The following COP1 variants were observed in gnomAD, a reference collection of about 807,000 sequenced individuals.
The protein encoded by COP1 is COP1 E3 ubiquitin ligase.
COP1 carries 24 observed loss-of-function variants against 101.3 expected under a neutral mutation model. The ratio of observed to expected loss-of-function variants is 0.24; its 90% CI spans 0.17 to 0.33. The LOEUF is 0.33. Ranked by LOEUF, COP1 falls within the 10% of genes least tolerant of loss-of-function variation. The pLI is 1.00. For synonymous variants in COP1, 347 were observed against 341.9 expected (o/e 1.01, Z -0.17); for missense variants, 663 against 906.2 (o/e 0.73, Z 3.45).
At chr1:176,185,144 G>A (rs886478247) in intron 1 of COP1, among the ~76,000 whole-genome samples, 11 of 151,980 alleles carry the variant, frequency 7.2e-5, no homozygotes, top group Non-Finnish European at 1.5e-5. Context: ...TTTCGACAAT[G>A]CTTGTAGGTA....
chr1:175,996,200 C>G (rs868632088), intron 15 of COP1, among the ~76,000 whole-genome samples: 3 of 152,170 alleles, frequency 2.0e-5, no homozygotes, highest in Non-Finnish European at 4.4e-5. Flanking sequence ...TTCAACAACC[C>G]TTTGTGCTAA....
At chr1:176,134,846 C>T (rs78569232) in intron 8 of COP1, among the ~76,000 whole-genome samples, 164 bp downstream of exon 8, 10,586 of 152,018 alleles carry the variant, frequency 0.07, 462 homozygotes, top group Non-Finnish European at 0.087. Context: ...TGAAATCCAA[C>T]GCATTAAGGA....
At chr1:176,161,296 A>G (rs1185809627) in intron 5 of COP1, among the ~76,000 whole-genome samples, 2 of 152,162 alleles carry the variant, frequency 1.3e-5, no homozygotes, top group Admixed American at 6.5e-5. Flanking sequence ...CTCTCATAAA[A>G]AGTCATTTTA....
chr1:176,149,083 G>GAAAATTATATTTTTTAAAAGA lies in COP1; in HGVS notation c.763-10_763-9insTCTTTTAAAAAATATAATTTT. 2 of 1,540,034 alleles carry GAAAATTATATTTTTTAAAAGA rather than the reference G, an allele frequency of 1.3e-6. No homozygotes were observed. The highest frequency in any genetic ancestry group is 1.8e-6 in the Non-Finnish European group (2 of 1,129,312). ...TGGGCTGCATGTGATTCCTACAATA[G>GAAAATTATATTTTTTAAAAGA]AAAATTATAATTTTTCTTTTAAAAA... On this transcript the variant is annotated splice_polypyrimidine_tract_variant and intron_variant, in intron 5 of 19. Coordinates refer to ENST00000367669, the MANE Select transcript of COP1 (RefSeq NM_022457.7).
At chr1:176,028,803 G>A (rs1237184273) in intron 14 of COP1, among the ~76,000 whole-genome samples, 1 of 146,694 alleles carries the variant, frequency 6.8e-6, no homozygotes, top group African/African-American at 2.5e-5. Context: ...ATTCAGGCTG[G>A]AGTGCAGTGG....
At chr1:176,146,894 TA>T (rs1208785711) in intron 6 of COP1, among the ~76,000 whole-genome samples, 1 of 152,182 alleles carries the variant, frequency 6.6e-6, no homozygotes, top group African/African-American at 2.4e-5. Flanking sequence ...AACTGAAAAT[TA>T]AATGGCCCTA....
intron 15 of COP1, among the ~76,000 whole-genome samples, chr1:176,025,662 G>A (rs1571763046): frequency 6.6e-6 from 1 of 152,068 alleles, no homozygotes; most frequent in Non-Finnish European, 1.5e-5. Context: ...AGCTGAGGTA[G>A]GCAGACTGCT....
At chr1:175,962,269 A>G (rs1397912540) in intron 18 of COP1, among the ~76,000 whole-genome samples, 1 of 152,148 alleles carries the variant, frequency 6.6e-6, no homozygotes, top group Non-Finnish European at 1.5e-5. Context: ...TGTGAAAGAG[A>G]GGAATTCCCT....
chr1:176,159,006 T>C (rs535642365), intron 5 of COP1, among the ~76,000 whole-genome samples: 1 of 152,284 alleles, frequency 6.6e-6, no homozygotes, highest in African/African-American at 2.4e-5. Flanking sequence ...GTAGTAATTG[T>C]ATTAAAAACT....
chr1:176,092,514 T>C (rs1300102019), intron 9 of COP1, among the ~76,000 whole-genome samples: 1 of 152,148 alleles, frequency 6.6e-6, no homozygotes, highest in African/African-American at 2.4e-5. Context: ...AATATATCTA[T>C]TTCTCTAAGA....
intron 1 of COP1, among the ~76,000 whole-genome samples, chr1:176,189,739 A>G (rs955402706): frequency 7.9e-5 from 12 of 152,020 alleles, no homozygotes; most frequent in Admixed American, 6.6e-5. Context: ...TTCCCAAAGG[A>G]AAAAGAAACA....
intron 9 of COP1, among the ~76,000 whole-genome samples, chr1:176,101,294 T>G (rs936460290): frequency 6.6e-6 from 1 of 152,146 alleles, no homozygotes; most frequent in Admixed American, 6.5e-5. Flanking sequence ...AGGTATTTGC[T>G]AGGAAGAGAA....
chr1:175,968,555 T>C (rs778398960), intron 18 of COP1: 1 of 508,948 alleles, frequency 2.0e-6, no homozygotes. Flanking sequence ...GTGTGCTTCA[T>C]TATTAAGAAG....
At chr1:175,989,583 G>A (rs376474310) in intron 15 of COP1, 104 bp from the exon 16 acceptor site, 26 of 634,082 alleles carry the variant, frequency 4.1e-5, no homozygotes, top group East Asian at 3.9e-4. Context: ...CACATATGAT[G>A]TCTAATCTCT....
chr1:175,977,760 A>G (rs980851279), intron 18 of COP1, among the ~76,000 whole-genome samples: 10 of 152,136 alleles, frequency 6.6e-5, no homozygotes, highest in Non-Finnish European at 1.2e-4. Context: ...TCTAAGCAAA[A>G]CATACTTATT....
chr1:175,985,380 T>C (rs1202706469), intron 18 of COP1, among the ~76,000 whole-genome samples: 1 of 152,224 alleles, frequency 6.6e-6, no homozygotes, highest in Admixed American at 6.5e-5. Flanking sequence ...TCTTATCTTT[T>C]TTCAGAGGAT....
intron 14 of COP1, among the ~76,000 whole-genome samples, chr1:176,038,810 T>G (rs1480009382): frequency 2.0e-5 from 2 of 101,762 alleles, no homozygotes; most frequent in Non-Finnish European, 4.1e-5. Context: ...AGAGCTAGAC[T>G]CCATCTCAAA....
chr1:176,164,919 T>C (rs1438900061), intron 3 of COP1, among the ~76,000 whole-genome samples: 1 of 152,096 alleles, frequency 6.6e-6, no homozygotes, highest in Admixed American at 6.6e-5. Context: ...TTTTCCCCAA[T>C]TAGAGATGAA....
chr1:176,047,104 T>C (rs1276285706), intron 11 of COP1, among the ~76,000 whole-genome samples: 1 of 152,176 alleles, frequency 6.6e-6, no homozygotes, highest in Non-Finnish European at 1.5e-5. Context: ...AGTTGTTACA[T>C]AACCAGCTGG....
Sources: gnomAD v4.1 joint callset for allele counts (sites outside exome capture counted in the v4.1 genomes callset) on GRCh38, gnomAD v4.1.1 for gene constraint, MANE v1.5 for transcripts, NCBI Gene and HGNC (gene_info 2026-07-23, HGNC 2026-07-21) for gene names.